The following BRD10 variants were observed in gnomAD, a reference collection of about 807,000 sequenced individuals.
BRD10 encodes the protein uncharacterized bromodomain-containing protein 10.
At chr9:6,002,868 A>G in the BRD10 span, among the ~76,000 whole-genome samples, 2 of 152,088 alleles carry the variant, frequency 1.3e-5, no homozygotes, top group East Asian at 1.9e-4. Context: ...TTGTTTAAGT[A>G]AAGATGGGGT....
chr9:5,926,224 C>T, the BRD10 span, among the ~76,000 whole-genome samples: 1 of 152,124 alleles, frequency 6.6e-6, no homozygotes, highest in South Asian at 2.1e-4. Context: ...CCATGTTCTC[C>T]AATTTATTTT....
chr9:5,908,832 T>G, the BRD10 span: 5 of 858,614 alleles, frequency 5.8e-6, no homozygotes, highest in South Asian at 6.5e-5. Context: ...TCTCTAATAA[T>G]AAGTCAGTGT....
the BRD10 span, among the ~76,000 whole-genome samples, chr9:5,948,871 T>A: frequency 2.6e-5 from 4 of 152,158 alleles, no homozygotes; most frequent in African/African-American, 9.6e-5. Context: ...AAAATTATAA[T>A]GGCATCTGCT....
At chr9:5,954,205 C>G in the BRD10 span, 1 of 635,550 alleles carries the variant, frequency 1.6e-6, no homozygotes, top group Non-Finnish European at 2.8e-6. Context: ...CAGATGGCTG[C>G]TAGTGAGTCA....
the BRD10 span, among the ~76,000 whole-genome samples, chr9:5,904,776 CTTTT>C: frequency 1.6e-5 from 2 of 128,944 alleles, no homozygotes; most frequent in East Asian, 4.6e-4. Context: ...AGTTACACTT[CTTTT>C]TTTTTTTTTT....
the BRD10 span, chr9:5,921,348 G>A: frequency 6.2e-7 from 1 of 1,613,940 alleles, no homozygotes; most frequent in Non-Finnish European, 8.5e-7. Flanking sequence ...GACGGAATCA[G>A]TACTATTTGG....
the BRD10 span, among the ~76,000 whole-genome samples, chr9:5,998,140 G>A: frequency 2.6e-5 from 4 of 152,110 alleles, no homozygotes; most frequent in East Asian, 5.8e-4. Context: ...TTTTGAACAT[G>A]TTAAAGTTTG....
At chr9:5,955,004 T>C in the BRD10 span, among the ~76,000 whole-genome samples, 2 of 151,946 alleles carry the variant, frequency 1.3e-5, no homozygotes, top group East Asian at 1.9e-4. Context: ...AGGAGAATCA[T>C]GTGAACCTGG....
the BRD10 span, among the ~76,000 whole-genome samples, chr9:5,955,141 A>G: frequency 0.19 from 29,623 of 151,960 alleles, 3,081 homozygotes; most frequent in Middle Eastern, 0.29. Context: ...AACACATTAA[A>G]AGTTTTCCCC....
chr9:5,998,031 C>A, the BRD10 span, among the ~76,000 whole-genome samples: 14 of 151,998 alleles, frequency 9.2e-5, no homozygotes, highest in Admixed American at 2.6e-4. Context: ...TAGGAAGAAT[C>A]AATGAAAAAT....
At chr9:5,881,906 A>G in the BRD10 span, among the ~76,000 whole-genome samples, 2 of 152,186 alleles carry the variant, frequency 1.3e-5, no homozygotes, top group Non-Finnish European at 2.9e-5. Context: ...GCGCCAAGCA[A>G]TGGAGATACA....
At chr9:5,880,590 G>C in the BRD10 span, among the ~76,000 whole-genome samples, 1 of 152,054 alleles carries the variant, frequency 6.6e-6, no homozygotes, top group African/African-American at 2.4e-5. Flanking sequence ...GTCTGAATTA[G>C]TTTTCCCCAC....
chr9:6,007,188 C>T, the BRD10 span: 1 of 1,609,528 alleles, frequency 6.2e-7, no homozygotes, highest in Non-Finnish European at 8.5e-7. Flanking sequence ...GGACCGGGCT[C>T]GCTTACCGAG....
the BRD10 span, among the ~76,000 whole-genome samples, chr9:5,891,813 G>A: frequency 6.6e-6 from 1 of 152,184 alleles, no homozygotes; most frequent in Non-Finnish European, 1.5e-5. Flanking sequence ...TCAGGTCCTG[G>A]GCTTCCTCGG....
At chr9:5,972,187 G>A in the BRD10 span, among the ~76,000 whole-genome samples, 1 of 152,080 alleles carries the variant, frequency 6.6e-6, no homozygotes, top group African/African-American at 2.4e-5. Flanking sequence ...AAGGAATTAA[G>A]ATATTAGGAG....
chr9:5,922,845 C>T, the BRD10 span: 2 of 1,613,974 alleles, frequency 1.2e-6, no homozygotes, highest in Middle Eastern at 3.3e-4. Context: ...CAGGTCAATG[C>T]TGGCTTTATC....
chr9:5,969,829 A>T, the BRD10 span, among the ~76,000 whole-genome samples: 1 of 152,206 alleles, frequency 6.6e-6, no homozygotes, highest in African/African-American at 2.4e-5. Flanking sequence ...TACAGGCATG[A>T]GCTACTGTGC....
chr9:5,968,208 G>C, the BRD10 span: 1 of 1,612,444 alleles, frequency 6.2e-7, no homozygotes, highest in Non-Finnish European at 8.5e-7. Flanking sequence ...GTTAGTTTGA[G>C]TTTCTTGTGG....
the BRD10 span, among the ~76,000 whole-genome samples, chr9:5,983,827 T>C: frequency 4.0e-4 from 61 of 152,090 alleles, no homozygotes; most frequent in African/African-American, 1.4e-3. Flanking sequence ...AGAAATAAGA[T>C]AGACCACCCC....
Sources: gnomAD v4.1 joint callset for allele counts (sites outside exome capture counted in the v4.1 genomes callset) on GRCh38, gnomAD v4.1.1 for gene constraint, MANE v1.5 for transcripts, NCBI Gene and HGNC (gene_info 2026-07-23, HGNC 2026-07-21) for gene names.